The following RGS17 variants were observed in gnomAD, a reference collection of about 807,000 sequenced individuals.
RGS17 encodes the protein regulator of G protein signaling 17, also known as regulator of G-protein signaling 17.
RGS17 carries 12 observed loss-of-function variants against 25.5 expected under a neutral mutation model. The observed-to-expected ratio is 0.47, with a 90% CI of 0.30 to 0.76. RGS17 has a LOEUF of 0.76. Ranked by LOEUF, RGS17 falls within the 30% of genes least tolerant of loss-of-function variation. The pLI is 0.07. For missense variants in RGS17, 196 were observed against 242.2 expected, an observed-to-expected ratio of 0.81 and a Z score of 1.27; for synonymous variants, 71 against 76.9, an observed-to-expected ratio of 0.92 and a Z score of 0.40.
Position 153,088,851 on chromosome 6 carries a change from T to C in RGS17, c.-26+42273A>G, listed in dbSNP as rs527733040. ...TATTTCAGATTAGACCTCCCTGAGATAGTACCATGTATTTTTAGCTAGATT... is the reference window on the plus strand; with the variant it reads ...TATTTCAGATTAGACCTCCCTGAGACAGTACCATGTATTTTTAGCTAGATT... On this transcript the variant is annotated intron_variant, in intron 1 of 4. Transcript: ENST00000206262. 2.0e-5 allele frequency among the ~76,000 whole-genome samples: 3 copies of C among 152,294 alleles called. No individual in the cohort carries two copies. In the South Asian group the frequency reaches 6.2e-4, roughly 32 times the overall value.
intron 1 of RGS17, among the ~76,000 whole-genome samples, chr6:153,089,386 A>G (rs925693771): frequency 1.3e-5 from 2 of 152,178 alleles, no homozygotes; most frequent in African/African-American, 2.4e-5. Context: ...AAATAAGTCC[A>G]TTTTTGATAA....
chr6:153,009,418 A>G lies in RGS17; in HGVS notation c.*2156T>C, dbSNP rs2129104781. 1 of 152,178 alleles carries G rather than the reference A, an allele frequency of 6.6e-6. No homozygotes were observed. The highest frequency in any genetic ancestry group is 2.4e-5 in the African/African-American group (1 of 41,564). The allele number at this position is 152,178 out of a possible 1,614,324, so 9.4% of individuals were successfully genotyped here. A position where few individuals can be genotyped will look rare whatever the true frequency, so the allele number is the denominator to read the frequency against. Reference sequence around the variant, plus strand: ...ATAATAAACTCAATTCTAAGCAAGAAAAAAATTAAATAATTTAGGAACAAT... The same window carrying G: ...ATAATAAACTCAATTCTAAGCAAGAGAAAAATTAAATAATTTAGGAACAAT... On this transcript the variant is annotated 3_prime_UTR_variant, in exon 5 of 5. Coordinates refer to ENST00000206262, the MANE Select transcript of RGS17 (RefSeq NM_012419.5).
At chr6:153,098,932 A>C (rs1410945960) in intron 1 of RGS17, among the ~76,000 whole-genome samples, 1 of 152,144 alleles carries the variant, frequency 6.6e-6, no homozygotes, top group African/African-American at 2.4e-5. Context: ...AAAATACTAG[A>C]GCAGCAGATT....
intron 1 of RGS17, among the ~76,000 whole-genome samples, chr6:153,115,033 C>A (rs1421346079): frequency 6.6e-6 from 1 of 152,096 alleles, no homozygotes; most frequent in African/African-American, 2.4e-5. Context: ...ACAAGGATGC[C>A]CTCTCTCACC....
At chr6:153,129,450 G>GCAAATTA (rs1777752416) in intron 1 of RGS17, among the ~76,000 whole-genome samples, 1 of 152,164 alleles carries the variant, frequency 6.6e-6, no homozygotes, top group Non-Finnish European at 1.5e-5. Context: ...ATGTTTCACG[G>GCAAATTA]TTTGCAAATT....
chr6:153,022,741 T>C (rs1779258446), intron 4 of RGS17, among the ~76,000 whole-genome samples: 1 of 152,206 alleles, frequency 6.6e-6, no homozygotes. Flanking sequence ...AAAATTATTA[T>C]ACTGATAAAA....
At chr6:153,070,701 G>GTGTGTA (rs1197990953) in intron 1 of RGS17, among the ~76,000 whole-genome samples, 5 of 104,726 alleles carry the variant, frequency 4.8e-5, no homozygotes, top group East Asian at 2.4e-4. Context: ...GTGTGTGTGT[G>GTGTGTA]TATATACATA....
intron 4 of RGS17, among the ~76,000 whole-genome samples, chr6:153,013,883 A>G (rs1779157747): frequency 6.6e-6 from 1 of 152,238 alleles, no homozygotes; most frequent in Non-Finnish European, 1.5e-5. Context: ...AGGTGTAGGG[A>G]AAGAAGTTAT....
At chr6:153,112,266 A>G (rs977908948) in intron 1 of RGS17, among the ~76,000 whole-genome samples, 2 of 152,176 alleles carry the variant, frequency 1.3e-5, no homozygotes, top group African/African-American at 4.8e-5. Context: ...ACATGAGAAC[A>G]TTGTGAAGCA....
intron 2 of RGS17, among the ~76,000 whole-genome samples, chr6:153,037,720 G>A (rs1264073570): frequency 5.3e-5 from 8 of 152,024 alleles, no homozygotes; most frequent in Admixed American, 1.3e-4. Flanking sequence ...CACCACACCC[G>A]GCCTATTTTT....
intron 1 of RGS17, among the ~76,000 whole-genome samples, chr6:153,123,521 GA>G (rs1467159542): frequency 2.6e-5 from 4 of 152,236 alleles, no homozygotes; most frequent in Non-Finnish European, 5.9e-5. Context: ...AATCTTTCCA[GA>G]TCGGAGCAAA....
At chr6:153,104,880 A>C (rs1777356998) in intron 1 of RGS17, among the ~76,000 whole-genome samples, 1 of 152,116 alleles carries the variant, frequency 6.6e-6, no homozygotes. Context: ...ACATCTGAGA[A>C]AGAAAAAGGA....
intron 1 of RGS17, among the ~76,000 whole-genome samples, chr6:153,120,568 C>A (rs930596938): frequency 1.3e-5 from 2 of 152,104 alleles, no homozygotes; most frequent in Non-Finnish European, 2.9e-5. Flanking sequence ...TTCCCTTGAC[C>A]GCCCCCCTGC....
At chr6:153,090,059 T>G (rs1001507231) in intron 1 of RGS17, among the ~76,000 whole-genome samples, 7 of 152,204 alleles carry the variant, frequency 4.6e-5, no homozygotes, top group Non-Finnish European at 1.0e-4. Context: ...TAATCATTTT[T>G]TATTCCCAGT....
chr6:153,058,364 T>C (rs770039269), intron 1 of RGS17, among the ~76,000 whole-genome samples: 67 of 152,192 alleles, frequency 4.4e-4, no homozygotes, highest in South Asian at 1.2e-3. Context: ...TATCTCAGGG[T>C]TCTACACAAA....
intron 2 of RGS17, among the ~76,000 whole-genome samples, chr6:153,028,646 T>C (rs1034578102): frequency 4.6e-5 from 7 of 152,196 alleles, no homozygotes; most frequent in Non-Finnish European, 8.8e-5. Context: ...ACTTCCTGTA[T>C]ATATAAAATG....
intron 2 of RGS17, among the ~76,000 whole-genome samples, chr6:153,042,533 G>A (rs1424929050): frequency 6.6e-6 from 1 of 152,178 alleles, no homozygotes; most frequent in Non-Finnish European, 1.5e-5. Context: ...GGCCTCCCCA[G>A]CCCTGTGGAA....
At chr6:153,111,835 C>T (rs1233321588) in intron 1 of RGS17, among the ~76,000 whole-genome samples, 1 of 152,130 alleles carries the variant, frequency 6.6e-6, no homozygotes, top group Non-Finnish European at 1.5e-5. Flanking sequence ...ACTCCAGCAG[C>T]AGGGGGGCCT....
At chr6:153,044,550 A>G (rs1242878540) in intron 1 of RGS17, among the ~76,000 whole-genome samples, 4 of 152,344 alleles carry the variant, frequency 2.6e-5, no homozygotes, top group African/African-American at 9.6e-5. Context: ...TTTGAAACAC[A>G]ATATCCTTTT....
Sources: allele counts gnomAD v4.1 joint callset (sites outside exome capture counted in the v4.1 genomes callset), GRCh38; gene constraint gnomAD v4.1.1; transcripts MANE v1.5; gene names NCBI Gene and HGNC (gene_info 2026-07-23, HGNC 2026-07-21).